SLC2A9: variants seen among roughly 807,000 people sequenced by gnomAD.
SLC2A9 encodes the protein solute carrier family 2, facilitated glucose transporter member 9.
SLC2A9 carries 39 observed loss-of-function variants against 50.6 expected under a neutral mutation model. The observed-to-expected ratio is 0.77, with a 90% confidence interval of 0.60 to 1.01. SLC2A9 has a LOEUF of 1.01. Ranked by LOEUF, SLC2A9 falls within the 50% of genes least tolerant of loss-of-function variation. The pLI is 0.00. For synonymous variants in SLC2A9, 324 were observed against 276.9 expected (o/e 1.17, Z -1.69); for missense variants, 686 against 677.6 (o/e 1.01, Z -0.14).
rs181631990 is a variant in SLC2A9, at chr4:9,899,815, C to T, written c.1113+8420G>A. Among the ~76,000 whole-genome samples the T allele has an allele frequency of 2.6e-3, 393 of 152,216 alleles. 1 individual carries two copies. The highest frequency in any genetic ancestry group is 9.0e-3 in the African/African-American group (373 of 41,530). ...TGCAAAACAGACATGGGTTTTCCTTCCATCCCATGCCAACTGGGATGGAAG... is the reference window on the plus strand; with the variant it reads ...TGCAAAACAGACATGGGTTTTCCTTTCATCCCATGCCAACTGGGATGGAAG... On this transcript the variant is annotated intron_variant, in intron 8 of 11. Coordinates refer to ENST00000264784, the MANE Select transcript of SLC2A9 (RefSeq NM_020041.3).
intron 3 of SLC2A9, among the ~76,000 whole-genome samples, chr4:9,802,559 CTTTT>C (rs1238703528): frequency 2.4e-5 from 3 of 127,028 alleles, no homozygotes; most frequent in Admixed American, 8.2e-5. Context: ...TTGTTCTTTT[CTTTT>C]TTTTTTTTTT....
intron 5 of SLC2A9, among the ~76,000 whole-genome samples, chr4:9,962,419 G>A (rs1752408464): frequency 2.0e-5 from 3 of 152,174 alleles, no homozygotes; most frequent in South Asian, 4.1e-4. Flanking sequence ...CCTTTGCAGG[G>A]ACATGGATGG....
intron 8 of SLC2A9, among the ~76,000 whole-genome samples, chr4:9,893,237 C>T (rs1397344926): frequency 2.0e-5 from 3 of 152,098 alleles, no homozygotes; most frequent in East Asian, 3.9e-4. Flanking sequence ...CTCCCCCCTC[C>T]GCATTCCTGG....
chr4:9,781,831 T>C (rs954313936), intron 3 of SLC2A9: 1 of 454,426 alleles, frequency 2.2e-6, no homozygotes, highest in Admixed American at 3.9e-5. Flanking sequence ...ACCACGGCCA[T>C]GGAGCCAGAG....
chr4:9,980,887 C>CA lies in SLC2A9; in HGVS notation c.536-151dup. On this transcript the variant is annotated intron_variant, in intron 4 of 11. Transcript: ENST00000264784. The stretch of plus-strand genomic sequence containing the variant: ...TTTCCCAGCACTTAGCACAAATTGC[C>CA]AAAGCTTTCCCATGAACTTTATAAT... 6 of 988,814 alleles carry CA rather than the reference C, an allele frequency of 6.1e-6. No homozygotes were observed. The South Asian group carries it at 8.4e-5, about 14-fold the overall frequency. 61.3% of individuals were successfully genotyped at this position (988,814 alleles called of 1,614,324 possible).
At chr4:9,881,214 C>T (rs1193604432) in intron 10 of SLC2A9, among the ~76,000 whole-genome samples, 1 of 152,244 alleles carries the variant, frequency 6.6e-6, no homozygotes, top group Admixed American at 6.5e-5. Flanking sequence ...TTGAACTTGG[C>T]TGCACCTTGG....
chr4:9,985,723 C>A lies in SLC2A9; in HGVS notation c.481G>T (p.Ala161Ser), dbSNP rs376898935. 49 of 1,613,922 alleles carry A rather than the reference C, an allele frequency of 3.0e-5. No homozygotes were observed. The highest frequency in any genetic ancestry group is 4.1e-5 in the Non-Finnish European group (48 of 1,179,878). ...AALLMACSLQ[A>S]GAFEMLIVGR... ...ACGATGAGCATTTCAAAGGCTCCTG[C>A]CTGGAGCGAGCAGGCCATCAGCAAT... Residue 161 changes from alanine to serine, a missense_variant, in exon 4 of 12, where the codon GCA (alanine) becomes TCA (serine). Transcript: ENST00000264784.
chr4:9,912,701 T>C (rs1030107480), intron 7 of SLC2A9, among the ~76,000 whole-genome samples: 3 of 152,194 alleles, frequency 2.0e-5, no homozygotes, highest in Non-Finnish European at 2.9e-5. Context: ...GTTTAATTTA[T>C]GCTTTCTGGA....
chr4:9,797,527 G>A (rs1048496470), downstream of SLC2A9, among the ~76,000 whole-genome samples: 11 of 152,188 alleles, frequency 7.2e-5, no homozygotes, highest in Non-Finnish European at 1.0e-4. Context: ...CCACACATAC[G>A]CAAGCTCTGG....
intron 10 of SLC2A9, among the ~76,000 whole-genome samples, chr4:9,854,636 C>G (rs2109340639): frequency 6.6e-6 from 1 of 152,294 alleles, no homozygotes; most frequent in African/African-American, 2.4e-5. Context: ...GATACCAAAA[C>G]CTGGCAGAGA....
At chr4:10,021,984 G>A (rs915037519), upstream of SLC2A9, among the ~76,000 whole-genome samples, 18 of 152,234 alleles carry the variant, frequency 1.2e-4, no homozygotes, top group African/African-American at 3.9e-4. Context: ...AACTATAGGC[G>A]TGTGCCACCA....
At chr4:9,914,415 T>C (rs1475562425) in intron 7 of SLC2A9, among the ~76,000 whole-genome samples, 1 of 152,190 alleles carries the variant, frequency 6.6e-6, no homozygotes, top group Non-Finnish European at 1.5e-5. Context: ...TCATCAGACT[T>C]TGCTTCAGCT....
At chr4:9,982,553 C>T (rs1008909486) in intron 4 of SLC2A9, among the ~76,000 whole-genome samples, 4 of 152,110 alleles carry the variant, frequency 2.6e-5, no homozygotes, top group African/African-American at 9.7e-5. Context: ...GTTATATGTT[C>T]GAAGGGTCAA....
chr4:9,882,163 G>T (rs772118199), intron 10 of SLC2A9, among the ~76,000 whole-genome samples: 26 of 152,160 alleles, frequency 1.7e-4, no homozygotes, highest in Non-Finnish European at 2.9e-4. Context: ...AAAGACAAAA[G>T]TATTTCTTTC....
chr4:9,812,839 T>C lies in SLC2A9; in HGVS notation n.420+13581A>G, dbSNP rs888023032. On this transcript the variant is annotated intron_variant and non_coding_transcript_variant, in intron 3 of 3. Coordinates refer to the SLC2A9 transcript ENST00000503280. ...GCTCTAGTTCTTGGCTGAGACAAAC[T>C]GCAGTCCCCAAATGCTGTGATTTAA... is the stretch of plus-strand genomic sequence containing the variant. Among the ~76,000 whole-genome samples, 40 of 152,314 alleles carry C rather than the reference T, an allele frequency of 2.6e-4. 2 individuals are homozygous for C. The highest frequency in any genetic ancestry group is 2.4e-3 in the Admixed American group (37 of 15,298).
intron 3 of SLC2A9, chr4:9,782,724 T>G: frequency 6.2e-7 from 1 of 1,614,006 alleles, no homozygotes; most frequent in Non-Finnish European, 8.5e-7. Context: ...TCCTCGCTCA[T>G]CAGCTTCTAC....
chr4:9,913,593 C>T (rs1420210521), intron 7 of SLC2A9, among the ~76,000 whole-genome samples: 7 of 152,156 alleles, frequency 4.6e-5, no homozygotes, highest in Non-Finnish European at 8.8e-5. Flanking sequence ...TGGGGAGCAT[C>T]CACTAGGGAA....
At chr4:9,799,581 C>A (rs1286291261) in intron 3 of SLC2A9, among the ~76,000 whole-genome samples, 1 of 152,018 alleles carries the variant, frequency 6.6e-6, no homozygotes, top group Non-Finnish European at 1.5e-5. Flanking sequence ...TGGAGAGACA[C>A]AGACATTCAG....
intron 3 of SLC2A9, chr4:9,783,228 T>C: frequency 1.2e-6 from 2 of 1,614,136 alleles, no homozygotes; most frequent in Non-Finnish European, 1.7e-6. Flanking sequence ...AACCAAGACA[T>C]CGTCTTCCAC....
Sources: allele counts gnomAD v4.1 joint callset (sites outside exome capture counted in the v4.1 genomes callset), GRCh38; gene constraint gnomAD v4.1.1; transcripts MANE v1.5; gene names NCBI Gene and HGNC (gene_info 2026-07-23, HGNC 2026-07-21).